Variants in ZBED6 observed in about 807,000 individuals in gnomAD.
ZBED6 encodes zinc finger BED-type containing 6.
Under a neutral mutation model 58.4 loss-of-function variants are expected in ZBED6, and 40 were observed. The ratio of observed to expected loss-of-function variants is 0.68; its 90% CI spans 0.53 to 0.89. The LOEUF (loss-of-function observed/expected upper bound fraction) is 0.89, where lower values mean the gene tolerates loss of function less well. Among genes scored for constraint, ZBED6 ranks in the 40% least tolerant of loss-of-function variants. ZBED6 has a pLI of 0.00. For missense variants in ZBED6, 1,057 were observed against 1,003.9 expected (o/e 1.05, Z -0.71); for synonymous variants, 439 against 350.6 (o/e 1.25, Z -2.82).
exon 1 of ZBED6, chr1:203,800,383 A>T (rs1324672687): frequency 1.1e-5 from 11 of 1,015,960 alleles, no homozygotes; most frequent in Non-Finnish European, 1.3e-5. Flanking sequence ...GTTAACTACG[A>T]TTATTCTACG....
intron 8 of ZBED6, among the ~76,000 whole-genome samples, chr1:203,832,718 A>G (rs1467347547): frequency 6.6e-6 from 1 of 152,176 alleles, no homozygotes; most frequent in Non-Finnish European, 1.5e-5. Context: ...ATAGATATAG[A>G]TATATTTAAA....
At position 203,852,128 on chromosome 1, in the gene ZBED6, T is replaced by C. The variant is rs1689462915; in HGVS notation, c.*4874-13T>C. 9 of 1,613,106 alleles carry C rather than the reference T, an allele frequency of 5.6e-6. No homozygotes were observed. Among genetic ancestry groups the C allele is most frequent in the Admixed American group, 1.7e-5 (1 of 59,838 alleles). On this transcript the variant is annotated splice_polypyrimidine_tract_variant and intron_variant, in intron 16 of 16. Transcript: ENST00000550078. ...AAAACGGCAGTTTTCTAATAATCTT[T>C]TTTTTCTTACAGTCTTGTGCTGCCT...
At chr1:203,797,614 T>G (rs887919507) in exon 1 of ZBED6, 48 of 1,535,712 alleles carry the variant, frequency 3.1e-5, no homozygotes, top group Non-Finnish European at 4.0e-5. Flanking sequence ...CTGGGATGTG[T>G]TCCTATTAAT....
At chr1:203,845,119 T>A (rs1687534882) in intron 11 of ZBED6, among the ~76,000 whole-genome samples, 1 of 152,206 alleles carries the variant, frequency 6.6e-6, no homozygotes, top group Admixed American at 6.5e-5. Flanking sequence ...GCCTATGGTT[T>A]TAACTATTAT....
At chr1:203,826,333 A>G (rs1461533352) in intron 3 of ZBED6, among the ~76,000 whole-genome samples, 8 of 151,222 alleles carry the variant, frequency 5.3e-5, no homozygotes. Flanking sequence ...ATACTTTTAG[A>G]AAATATCAAT....
exon 1 of ZBED6, chr1:203,797,578 G>A (rs777164103): frequency 7.2e-6 from 11 of 1,533,094 alleles, no homozygotes; most frequent in Non-Finnish European, 9.6e-6. Flanking sequence ...GGCAGAAGAT[G>A]CAACACTTTT....
chr1:203,806,010 G>T, intron 1 of ZBED6: 2 of 557,342 alleles, frequency 3.6e-6, no homozygotes, highest in Middle Eastern at 3.1e-4. Context: ...GTTTCATGTT[G>T]AATGACTCTT....
chr1:203,813,292 C>G (rs146055859), intron 1 of ZBED6, among the ~76,000 whole-genome samples: 1 of 151,754 alleles, frequency 6.6e-6, no homozygotes, highest in African/African-American at 2.4e-5. Flanking sequence ...CTGCAACCTC[C>G]GCCTCCCAGG....
chr1:203,797,735 G>A (rs938428887), exon 1 of ZBED6: 1 of 1,535,558 alleles, frequency 6.5e-7, no homozygotes, highest in Non-Finnish European at 8.7e-7. Context: ...TGCGAATTAA[G>A]GGGAAAAGGC....
chr1:203,851,422 C>T (rs1159058956), intron 16 of ZBED6, among the ~76,000 whole-genome samples: 3 of 152,152 alleles, frequency 2.0e-5, no homozygotes, highest in East Asian at 1.9e-4. Flanking sequence ...CTCCACTTCC[C>T]GGGTTCAAGC....
intron 9 of ZBED6, among the ~76,000 whole-genome samples, chr1:203,837,452 C>T (rs145760522): frequency 6.1e-5 from 9 of 147,004 alleles, no homozygotes; most frequent in Non-Finnish European, 1.1e-4. Context: ...TCCCTTGTCT[C>T]TCTTTTTTTT....
exon 15 of ZBED6, chr1:203,850,677 C>T (rs763365697): frequency 6.2e-7 from 1 of 1,613,562 alleles, no homozygotes; most frequent in Non-Finnish European, 8.5e-7. Flanking sequence ...AAAAAGGCAG[C>T]TGTGGTAAGA....
chr1:203,816,577 G>A (rs1676447399), intron 1 of ZBED6, among the ~76,000 whole-genome samples: 1 of 152,128 alleles, frequency 6.6e-6, no homozygotes, highest in African/African-American at 2.4e-5. Context: ...GTTGCTGTGA[G>A]CTGTGATCAC....
chr1:203,816,982 A>C (rs1676588559), exon 2 of ZBED6: 1 of 852,410 alleles, frequency 1.2e-6, no homozygotes, highest in Non-Finnish European at 1.8e-6. Context: ...GATTAAACCC[A>C]TTTCACGAGG....
chr1:203,821,998 C>T (rs1471290055), intron 3 of ZBED6, among the ~76,000 whole-genome samples: 1 of 152,076 alleles, frequency 6.6e-6, no homozygotes, highest in Admixed American at 6.6e-5. Context: ...ACCTCGTGAT[C>T]CGCCCGCCTT....
chr1:203,848,343 A>G (rs1375928633), exon 13 of ZBED6: 1 of 1,612,802 alleles, frequency 6.2e-7, no homozygotes, highest in Admixed American at 1.7e-5. Context: ...ATGAAAGAAG[A>G]GAAGAACCTT....
intron 3 of ZBED6, among the ~76,000 whole-genome samples, chr1:203,827,987 C>G (rs10494846): frequency 0.13 from 19,661 of 152,138 alleles, 1,439 homozygotes; most frequent in Non-Finnish European, 0.15. Flanking sequence ...AGATTCAGAC[C>G]GTTATCTTTG....
In ZBED6 at chr1:203,828,284, T is replaced by G. The variant is rs1681220204; in HGVS notation, c.*2874-15T>G. On this transcript the variant is annotated splice_polypyrimidine_tract_variant and intron_variant, in intron 3 of 16. Coordinates refer to ENST00000550078, the Ensembl canonical transcript of ZBED6. ...ACTGTTTTATTTGAAAGCAATGTGT[T>G]TTTCCCTCTTACAGAAAAAACGCAG... 1.2e-6 allele frequency: 2 copies of G among 1,613,844 alleles called. No homozygotes were observed. The highest frequency in any genetic ancestry group is 2.2e-5 in the South Asian group (2 of 91,054).
At chr1:203,809,327 T>C (rs1175457456) in intron 1 of ZBED6, among the ~76,000 whole-genome samples, 1 of 151,748 alleles carries the variant, frequency 6.6e-6, no homozygotes, top group Admixed American at 6.6e-5. Context: ...AGGCGCACAC[T>C]ACCGTGCCCG....
Sources: allele counts gnomAD v4.1 joint callset (sites outside exome capture counted in the v4.1 genomes callset), GRCh38; gene constraint gnomAD v4.1.1; transcripts MANE v1.5; gene names NCBI Gene and HGNC (gene_info 2026-07-23, HGNC 2026-07-21).